The following FUT9 variants were observed in gnomAD, a reference collection of about 807,000 sequenced individuals.
The protein encoded by FUT9 is 4-galactosyl-N-acetylglucosaminide 3-alpha-L-fucosyltransferase 9.
A neutral mutation model predicts 29.7 loss-of-function variants in FUT9; 15 were observed. That is an observed-to-expected ratio of 0.51 (90% confidence interval 0.34 to 0.78). The LOEUF (loss-of-function observed/expected upper bound fraction) is 0.78. FUT9 is among the 30% of genes least tolerant of loss of function. FUT9 has a pLI of 0.01. For missense variants in FUT9, 319 were observed against 425.4 expected (o/e 0.75, Z 2.20); for synonymous variants, 169 against 153.7 (o/e 1.10, Z -0.74).
intron 1 of FUT9, among the ~76,000 whole-genome samples, chr6:96,044,754 A>T: frequency 6.6e-6 from 1 of 152,254 alleles, no homozygotes; most frequent in Non-Finnish European, 1.5e-5. Context: ...TTAATTCCCT[A>T]ATTATCATAT....
Position 96,209,024 on chromosome 6 carries a change from A to G in FUT9, c.*4789A>G, listed in dbSNP as rs1346031083. 1 of 166,706 alleles carries G rather than the reference A, an allele frequency of 6.0e-6. No individual in the cohort carries two copies. The highest frequency in any genetic ancestry group is 2.4e-5 in the African/African-American group (1 of 41,380). The allele number at this position is 166,706 out of a possible 1,614,324, so 10.3% of individuals were successfully genotyped here. The stretch of plus-strand genomic sequence containing the variant: ...ATTGAATATATCCATATTCATATGC[A>G]TTTTATAAAACAGTTAACAGAATCT... On this transcript the variant is annotated 3_prime_UTR_variant, in exon 3 of 3. Transcript: ENST00000302103.
intron 1 of FUT9, among the ~76,000 whole-genome samples, chr6:96,059,287 G>T (rs1032623523): frequency 6.6e-6 from 1 of 152,140 alleles, no homozygotes; most frequent in Non-Finnish European, 1.5e-5. Context: ...AAATATCCCA[G>T]TGGTTTCTTT....
intron 1 of FUT9, among the ~76,000 whole-genome samples, chr6:96,030,940 G>A (rs746974850): frequency 6.6e-6 from 1 of 151,552 alleles, no homozygotes; most frequent in Non-Finnish European, 1.5e-5. Context: ...GGGAAGTTGA[G>A]GCTGATTTTA....
chr6:96,163,390 GA>G (rs1364211260), intron 2 of FUT9, among the ~76,000 whole-genome samples: 1 of 151,392 alleles, frequency 6.6e-6, no homozygotes, highest in African/African-American at 2.4e-5. Flanking sequence ...TATTGCGGAT[GA>G]ACTGTAACCT....
chr6:96,150,214 A>C (rs904556131), intron 2 of FUT9, among the ~76,000 whole-genome samples: 12 of 152,300 alleles, frequency 7.9e-5, no homozygotes, highest in African/African-American at 2.9e-4. Context: ...TTTCAGGTAA[A>C]ATGACATTAG....
intron 1 of FUT9, among the ~76,000 whole-genome samples, chr6:96,061,451 G>A (rs1266127619): frequency 6.0e-5 from 9 of 150,800 alleles, no homozygotes; most frequent in Admixed American, 4.6e-4. Context: ...TTCATTCTTT[G>A]TATCAGTTTT....
At chr6:96,119,998 G>A (rs1005443461) in intron 2 of FUT9, among the ~76,000 whole-genome samples, 2 of 152,046 alleles carry the variant, frequency 1.3e-5, no homozygotes, top group Admixed American at 6.6e-5. Context: ...GGAGGCAAAT[G>A]CAAAATCAGT....
At chr6:96,102,109 CA>C (rs1267917163) in intron 1 of FUT9, among the ~76,000 whole-genome samples, 1 of 151,948 alleles carries the variant, frequency 6.6e-6, no homozygotes. Flanking sequence ...CAATTGTATG[CA>C]GATATAAACT....
At chr6:96,156,837 A>G (rs1464602088) in intron 2 of FUT9, among the ~76,000 whole-genome samples, 2 of 152,222 alleles carry the variant, frequency 1.3e-5, no homozygotes, top group Non-Finnish European at 2.9e-5. Context: ...CTTACAAGGT[A>G]TAAATGAAAT....
intron 2 of FUT9, among the ~76,000 whole-genome samples, chr6:96,139,207 A>G (rs1772415024): frequency 6.6e-6 from 1 of 152,180 alleles, no homozygotes; most frequent in Admixed American, 6.5e-5. Context: ...AAGGGCCTGC[A>G]GGCCCCATGC....
At position 96,208,704 on chromosome 6, in the gene FUT9, T is replaced by C. The variant is rs959080813; in HGVS notation, c.*4469T>C. The C allele has an allele frequency of 6.0e-6, 1 of 166,762 alleles. No individual in the cohort carries two copies. Among genetic ancestry groups the C allele is most frequent in the Non-Finnish European group, 1.5e-5 (1 of 67,998 alleles). 10.3% of individuals were successfully genotyped at this position (166,762 alleles called of 1,614,324 possible). ...CATCTCAAGAAAGATTAGAAAGGAT[T>C]TGGATCACGTTAACATTCTATGCAA... is the stretch of plus-strand genomic sequence containing the variant. On this transcript the variant is annotated 3_prime_UTR_variant, in exon 3 of 3. Coordinates refer to ENST00000302103, the MANE Select transcript of FUT9 (RefSeq NM_006581.4).
intron 1 of FUT9, among the ~76,000 whole-genome samples, chr6:96,025,929 A>AT (rs1245759920): frequency 6.6e-6 from 1 of 151,676 alleles, no homozygotes; most frequent in Non-Finnish European, 1.5e-5. Context: ...AAATATCAAC[A>AT]TTTTGGTCCT....
intron 2 of FUT9, among the ~76,000 whole-genome samples, chr6:96,160,545 C>T (rs1772878177): frequency 6.6e-6 from 1 of 151,996 alleles, no homozygotes. Context: ...TATAAAGACT[C>T]AAGGAATTAT....
chr6:96,128,491 T>G (rs957476842), intron 2 of FUT9, among the ~76,000 whole-genome samples: 2 of 152,200 alleles, frequency 1.3e-5, no homozygotes, highest in Non-Finnish European at 2.9e-5. Context: ...CGTTATTAAG[T>G]GTTGTGGAAA....
At chr6:96,125,803 T>C (rs1444369674) in intron 2 of FUT9, among the ~76,000 whole-genome samples, 1 of 152,234 alleles carries the variant, frequency 6.6e-6, no homozygotes, top group African/African-American at 2.4e-5. Context: ...TCAAAGGATC[T>C]TGTTAACTCT....
At chr6:96,137,753 A>T (rs1015614663) in intron 2 of FUT9, among the ~76,000 whole-genome samples, 1 of 152,134 alleles carries the variant, frequency 6.6e-6, no homozygotes, top group Non-Finnish European at 1.5e-5. Context: ...TTTAGTGAAT[A>T]ATAATATATT....
intron 1 of FUT9, among the ~76,000 whole-genome samples, chr6:96,078,405 C>CTTTTTTTT (rs1771175462): frequency 4.4e-5 from 2 of 45,194 alleles, no homozygotes; most frequent in Non-Finnish European, 8.6e-5. Context: ...TCATATTAGT[C>CTTTTTTTT]TTCTTTTTTT....
chr6:96,142,181 T>G (rs1772475704), intron 2 of FUT9, among the ~76,000 whole-genome samples: 1 of 152,184 alleles, frequency 6.6e-6, no homozygotes, highest in Non-Finnish European at 1.5e-5. Context: ...CCCATTTAAA[T>G]TTTCTAGTCC....
chr6:96,139,710 C>T (rs1772425993), intron 2 of FUT9, among the ~76,000 whole-genome samples: 1 of 152,144 alleles, frequency 6.6e-6, no homozygotes, highest in Non-Finnish European at 1.5e-5. Flanking sequence ...CATGTGTAAG[C>T]TGCCAAGGTT....
Sources: allele counts gnomAD v4.1 joint callset (sites outside exome capture counted in the v4.1 genomes callset), GRCh38; gene constraint gnomAD v4.1.1; transcripts MANE v1.5; gene names NCBI Gene and HGNC (gene_info 2026-07-23, HGNC 2026-07-21).